Variants in MICALL1 observed in about 807,000 individuals in gnomAD.
The protein encoded by MICALL1 is MICAL-like protein 1.
In MICALL1, 61 loss-of-function variants were observed where a neutral mutation model predicts 83.7. That is an observed-to-expected ratio of 0.73 (90% confidence interval 0.59 to 0.90). The LOEUF is 0.90. Ranked by LOEUF, MICALL1 falls within the 40% of genes least tolerant of loss-of-function variation. MICALL1 has a pLI of 0.00. For synonymous variants in MICALL1, 481 were observed against 473.6 expected (o/e 1.02, Z -0.20); for missense variants, 1,066 against 1,152.0 (o/e 0.93, Z 1.08).
rs923515268 is a variant in MICALL1 at position 37,932,441 on chromosome 22, G to A, written c.2017-112G>A. ...CTGCCTTCTTACCATGCTGGGGTGG[G>A]GGACAGGGCCCGGGCCCTGGAGCCA... On this transcript the variant is annotated intron_variant, in intron 10 of 15. Coordinates refer to ENST00000215957, the MANE Select transcript of MICALL1 (RefSeq NM_033386.4). The surrounding 1 kb of genome is among the most constrained non-coding windows in gnomAD (Gnocchi z 4.4). 5.3e-5 allele frequency: 80 copies of A among 1,507,968 alleles called. 1 individual carries two copies. The highest frequency in any genetic ancestry group is 7.0e-5 in the Non-Finnish European group (78 of 1,121,954). 93.4% of individuals were successfully genotyped at this position (1,507,968 alleles called of 1,614,324 possible). A position where few individuals can be genotyped will look rare whatever the true frequency, so the allele number is the denominator to read the frequency against.
rs2145938960 is a variant in MICALL1 at position 37,932,011 on chromosome 22, G to A, written c.2016+78G>A. 1 of 1,550,244 alleles carries A rather than the reference G, an allele frequency of 6.5e-7. No individual in the cohort carries two copies. The highest frequency in any genetic ancestry group is 1.2e-5 in the South Asian group (1 of 83,828). ...CTCTGCAGCTGCAGTCTTCCCCTGG[G>A]ACTCTAAGGAGGCTGGCTGGCTAGG... On this transcript the variant is annotated intron_variant, in intron 10 of 15. Transcript: ENST00000215957. The surrounding 1 kb of genome is among the most constrained non-coding windows in gnomAD (Gnocchi z 4.4).
intron 9 of MICALL1, among the ~76,000 whole-genome samples, chr22:37,931,190 T>G (rs776343287): frequency 6.6e-6 from 1 of 152,178 alleles, no homozygotes; most frequent in Non-Finnish European, 1.5e-5. Context: ...CTCTCTGAAC[T>G]TGAGTTTACT....
chr22:37,923,605 C>T (rs1038460468), intron 6 of MICALL1, among the ~76,000 whole-genome samples: 7 of 152,208 alleles, frequency 4.6e-5, no homozygotes, highest in African/African-American at 9.6e-5. Context: ...CATGCTGGGA[C>T]GGTGCAAACA....
chr22:37,928,501 C>T (rs927080614), intron 9 of MICALL1, among the ~76,000 whole-genome samples: 2 of 152,228 alleles, frequency 1.3e-5, no homozygotes, highest in African/African-American at 2.4e-5. Flanking sequence ...CCACTGCCCC[C>T]GGCTGTCTAG....
chr22:37,910,284 CTG>C (rs1331702082), intron 1 of MICALL1, among the ~76,000 whole-genome samples: 7 of 152,224 alleles, frequency 4.6e-5, no homozygotes, highest in South Asian at 2.1e-4. Context: ...ATTTGGGGAA[CTG>C]TGTAGGGAGT....
At position 37,922,298 on chromosome 22, in the gene MICALL1, G is replaced by T. The variant is rs1245362648; in HGVS notation, c.896G>T (p.Gly299Val). 1.9e-5 allele frequency: 30 copies of T among 1,549,280 alleles called. No homozygotes were observed. Among genetic ancestry groups the T allele is most frequent in the Non-Finnish European group, 2.6e-5 (30 of 1,147,938 alleles). ...KLQELASPPA[G>V]RPTPAPRKAS... ...CAGGAGCTGGCCAGCCCCCCTGCGG[G>T]CCGCCCCACCCCTGCCCCCAGGAAG... is the stretch of plus-strand genomic sequence containing the variant. Residue 299 changes from glycine to valine, a missense_variant, in exon 6 of 16, where the codon GGC becomes GTC. Transcript: ENST00000215957.
chr22:37,941,057 C>G lies in MICALL1; in HGVS notation c.*227C>G, dbSNP rs947054611. On this transcript the variant is annotated 3_prime_UTR_variant, in exon 16 of 16. Transcript: ENST00000215957. ...CCAGGCAGCGGTGATTCAGCCCTGC[C>G]CAACCTGATTCTGATGACTGCGGAT... 5 of 492,674 alleles carry G rather than the reference C, an allele frequency of 1.0e-5. No individual in the cohort carries two copies. The highest frequency in any genetic ancestry group is 5.9e-5 in the African/African-American group (3 of 51,216). The allele number at this position is 492,674 out of a possible 1,614,324, so 30.5% of individuals were successfully genotyped here. A position where few individuals can be genotyped will look rare whatever the true frequency, so the allele number is the denominator to read the frequency against.
At chr22:37,912,554 A>T (rs1928402529) in intron 3 of MICALL1, 62 bp downstream of exon 3, 1 of 1,467,930 alleles carries the variant, frequency 6.8e-7, no homozygotes, top group Non-Finnish European at 9.2e-7. Context: ...GGGATGTCTG[A>T]TGCTTGCTAC....
rs377439032 is a variant in MICALL1, at chr22:37,927,420, C to A, written c.1475C>A (p.Ala492Asp). Residue 492 changes from alanine to aspartate, a missense_variant, in exon 9 of 16, where the codon GCC becomes GAC. Ala to Asp is a moderately radical substitution (Grantham distance 126, BLOSUM62 -2). Transcript: ENST00000215957. ...APSASPLALH[A>D]SRLSHSEPPS... ...GTGCTCGTCCGCACAGCTCTCCACG[C>A]CTCCCGCCTCTCGCACTCGGAGCCG... 10 of 1,583,704 alleles carry A rather than the reference C, an allele frequency of 6.3e-6. No homozygotes were observed. Among genetic ancestry groups the A allele is most frequent in the African/African-American group, 1.3e-5 (1 of 74,538 alleles).
At position 37,927,642 on chromosome 22, in the gene MICALL1, T is replaced by C; in HGVS notation, c.1697T>C (p.Leu566Pro). The change falls in exon 9 of 16, where the codon CTA (leucine) becomes CCA (proline). Residue 566 changes from leucine to proline, a missense_variant. By Grantham distance (98) the Leu-to-Pro change is moderately conservative (BLOSUM62 -3). Coordinates refer to ENST00000215957, the MANE Select transcript of MICALL1 (RefSeq NM_033386.4). ...TCCTCCCTGGCCTCCTCTGGGGAAC[T>C]AGTGGAGCCTAGAGTGGAACAAATG... The part of the protein sequence containing the change: ...TNSSLASSGE[L>P]VEPRVEQMPQ... 6.2e-7 allele frequency: 1 copy of C among 1,614,134 alleles called. No homozygotes were observed. Among genetic ancestry groups the C allele is most frequent in the Non-Finnish European group, 8.5e-7 (1 of 1,180,008 alleles).
At chr22:37,917,306 G>A (rs1032440934) in intron 3 of MICALL1, among the ~76,000 whole-genome samples, 4 of 152,282 alleles carry the variant, frequency 2.6e-5, no homozygotes, top group African/African-American at 7.2e-5. Flanking sequence ...AGGAGGCAGC[G>A]CCTTTCCTGA....
chr22:37,916,605 G>C (rs1928692318), intron 3 of MICALL1, among the ~76,000 whole-genome samples: 1 of 152,200 alleles, frequency 6.6e-6, no homozygotes, highest in African/African-American at 2.4e-5. Context: ...AGATGTCGTG[G>C]TGCTGTGCTG....
chr22:37,917,879 A>G (rs1343279400), intron 4 of MICALL1, 84 bp downstream of exon 4: 19 of 1,235,288 alleles, frequency 1.5e-5, no homozygotes, highest in Non-Finnish European at 2.3e-5. Context: ...TGACTGGGTC[A>G]TGTGAGGAAG....
chr22:37,940,969 T>C lies in MICALL1; in HGVS notation c.*139T>C. On this transcript the variant is annotated 3_prime_UTR_variant, in exon 16 of 16. Coordinates refer to ENST00000215957, the MANE Select transcript of MICALL1 (RefSeq NM_033386.4). ...GGGAGGGATCCTCTGGGTGATGGCCTCTTCCTCCTCAGGGACCTCTGACTG... is the reference window on the plus strand; with the variant it reads ...GGGAGGGATCCTCTGGGTGATGGCCCCTTCCTCCTCAGGGACCTCTGACTG... The C allele has an allele frequency of 9.3e-7, 1 of 1,073,898 alleles. No individual in the cohort carries two copies. Among genetic ancestry groups the C allele is most frequent in the Non-Finnish European group, 1.3e-6 (1 of 756,248 alleles). 66.5% of individuals were successfully genotyped at this position (1,073,898 alleles called of 1,614,324 possible). A position where few individuals can be genotyped will look rare whatever the true frequency, so the allele number is the denominator to read the frequency against.
intron 13 of MICALL1, among the ~76,000 whole-genome samples, chr22:37,935,837 C>T (rs1365712205): frequency 2.0e-5 from 3 of 150,854 alleles, no homozygotes; most frequent in Non-Finnish European, 4.4e-5. Flanking sequence ...TCAAGCAATT[C>T]TCCTGCCTCA....
At chr22:37,929,082 A>C (rs1929649477) in intron 9 of MICALL1, among the ~76,000 whole-genome samples, 1 of 151,952 alleles carries the variant, frequency 6.6e-6, no homozygotes. Flanking sequence ...GAGATGGCCC[A>C]CAGCCTGGGC....
intron 13 of MICALL1, among the ~76,000 whole-genome samples, chr22:37,934,916 T>A (rs8138594): frequency 0.27 from 39,693 of 147,574 alleles, 6,475 homozygotes; most frequent in Non-Finnish European, 0.35. Flanking sequence ...ATTTATTTTA[T>A]TTTATTTATT....
chr22:37,926,388 G>C lies in MICALL1; in HGVS notation c.1465+345G>C, dbSNP rs73170706. Among the ~76,000 whole-genome samples, 437 of 152,272 alleles carry C rather than the reference G, an allele frequency of 2.9e-3. 1 individual carries two copies. Among genetic ancestry groups the C allele is most frequent in the Admixed American group, 5.2e-3 (79 of 15,302 alleles). On this transcript the variant is annotated intron_variant, in intron 8 of 15. Transcript: ENST00000215957. ...TCTAGTGGTGTGCTCAGTGCAGCGA[G>C]GGGCTCATGGAAAGGAGGCGTTTGC... is the stretch of plus-strand genomic sequence containing the variant.
intron 13 of MICALL1, among the ~76,000 whole-genome samples, chr22:37,934,705 T>C (rs1929994982): frequency 6.7e-6 from 1 of 149,392 alleles, no homozygotes; most frequent in African/African-American, 2.5e-5. Context: ...CACGCCATTT[T>C]CCTGCCTGAG....
Sources: allele counts gnomAD v4.1 joint callset (sites outside exome capture counted in the v4.1 genomes callset), GRCh38; gene constraint gnomAD v4.1.1; non-coding constraint Gnocchi (gnomAD v3.1); transcripts MANE v1.5; gene names NCBI Gene and HGNC (gene_info 2026-07-23, HGNC 2026-07-21).